Variants in FBXL7 observed in about 807,000 individuals in gnomAD.
FBXL7 encodes F-box and leucine rich repeat protein 7.
A neutral mutation model predicts 38.3 loss-of-function variants in FBXL7; 12 were observed. The observed-to-expected ratio is 0.31, with a 90% CI of 0.20 to 0.51. FBXL7 has a LOEUF of 0.51. FBXL7 is among the 20% of genes least tolerant of loss of function. The pLI is 0.98. For missense variants in FBXL7, 567 were observed against 676.4 expected, an observed-to-expected ratio of 0.84 and a Z score of 1.79; for synonymous variants, 297 against 300.9, an observed-to-expected ratio of 0.99 and a Z score of 0.13.
intron 2 of FBXL7, among the ~76,000 whole-genome samples, chr5:15,734,259 C>G (rs1169203418): frequency 2.0e-5 from 3 of 152,256 alleles, no homozygotes; most frequent in Non-Finnish European, 4.4e-5. Flanking sequence ...GCCATGCTGC[C>G]TCACCGTGGC....
At chr5:15,863,458 G>C (rs766285266) in intron 2 of FBXL7, among the ~76,000 whole-genome samples, 3 of 152,144 alleles carry the variant, frequency 2.0e-5, no homozygotes, top group Non-Finnish European at 4.4e-5. Context: ...TGTGATCCAC[G>C]TGGGCTAGGG....
intron 2 of FBXL7, among the ~76,000 whole-genome samples, chr5:15,647,877 T>A (rs913370438): frequency 1.3e-5 from 2 of 152,180 alleles, no homozygotes; most frequent in Admixed American, 6.5e-5. Context: ...CCCATGCAGC[T>A]GACAGTGTCT....
At chr5:15,606,255 C>T (rs528838775) in intron 1 of FBXL7, among the ~76,000 whole-genome samples, 12 of 152,242 alleles carry the variant, frequency 7.9e-5, no homozygotes, top group African/African-American at 2.9e-4. Flanking sequence ...TGTCTTCATG[C>T]TGTGACTCTA....
At position 15,512,253 on chromosome 5, in the gene FBXL7, GA is replaced by G. The variant is rs1199608410; in HGVS notation, c.37+11543del. Among the ~76,000 whole-genome samples, 10 of 152,296 alleles carry G rather than the reference GA, an allele frequency of 6.6e-5. No homozygotes were observed. In the East Asian group the frequency reaches 1.9e-3, roughly 29 times the overall value. On this transcript the variant is annotated intron_variant, in intron 1 of 3. Transcript: ENST00000504595. ...ATTGCTTTTCTATCATTGTTGAATA[GA>G]AATCCATCTTATTCATTTGGTCTTT...
rs80083668 is a variant in FBXL7, at chr5:15,549,929, G to A, written c.37+49216G>A. The stretch of plus-strand genomic sequence containing the variant: ...TGGATAGCCAAGGTGGGTGGAAGGG[G>A]ATGCTTAGAAACGTAGGCCTGCAGG... On this transcript the variant is annotated intron_variant, in intron 1 of 3. Transcript: ENST00000504595. Among the ~76,000 whole-genome samples the A allele has an allele frequency of 9.3e-3, 1,424 of 152,318 alleles. 19 individuals carry two copies. Among genetic ancestry groups the A allele is most frequent in the African/African-American group, 0.031 (1,295 of 41,566 alleles).
At position 15,623,180 on chromosome 5, in the gene FBXL7, T is replaced by C. The variant is rs558018965; in HGVS notation, c.127+7108T>C. Among the ~76,000 whole-genome samples the C allele has an allele frequency of 3.6e-3, 548 of 152,342 alleles. 7 individuals carry two copies. The highest frequency in any genetic ancestry group is 0.013 in the African/African-American group (522 of 41,576). On this transcript the variant is annotated intron_variant, in intron 2 of 3. Coordinates refer to ENST00000504595, the MANE Select transcript of FBXL7 (RefSeq NM_012304.5). ...GCTGAAGCAGCCTGTTCAGAATAGT[T>C]TGGGAGAGGTTGTTAAGCCCAAATC...
chr5:15,883,047 A>C (rs1186420036), intron 2 of FBXL7, among the ~76,000 whole-genome samples: 2 of 152,186 alleles, frequency 1.3e-5, no homozygotes. Context: ...CTCATCTTTC[A>C]AAATGGCAGC....
At chr5:15,551,800 C>G (rs1024054207) in intron 1 of FBXL7, among the ~76,000 whole-genome samples, 1 of 152,104 alleles carries the variant, frequency 6.6e-6, no homozygotes, top group Non-Finnish European at 1.5e-5. Flanking sequence ...TTTGATCTAT[C>G]TCTGCTTCTG....
At chr5:15,673,210 C>T (rs1487023502) in intron 2 of FBXL7, among the ~76,000 whole-genome samples, 1 of 151,658 alleles carries the variant, frequency 6.6e-6, no homozygotes, top group Non-Finnish European at 1.5e-5. Flanking sequence ...CAGCTACTCG[C>T]GAGGCTGAGG....
intron 2 of FBXL7, among the ~76,000 whole-genome samples, chr5:15,751,501 GT>G (rs1736153795): frequency 6.6e-6 from 1 of 152,144 alleles, no homozygotes; most frequent in South Asian, 2.1e-4. Context: ...CCTTGGCTAT[GT>G]TTGTTTGAAA....
chr5:15,647,100 G>C (rs1741556002), intron 2 of FBXL7, among the ~76,000 whole-genome samples: 2 of 152,188 alleles, frequency 1.3e-5, no homozygotes, highest in African/African-American at 2.4e-5. Flanking sequence ...AAGAAAGCAA[G>C]ACTGCAATAT....
intron 2 of FBXL7, among the ~76,000 whole-genome samples, chr5:15,649,682 T>G (rs1037202540): frequency 3.3e-5 from 5 of 150,432 alleles, no homozygotes; most frequent in Non-Finnish European, 7.4e-5. Context: ...CTGCAAATCT[T>G]TAAATCTTTC....
At chr5:15,556,984 C>T (rs1738256542) in intron 1 of FBXL7, among the ~76,000 whole-genome samples, 1 of 152,188 alleles carries the variant, frequency 6.6e-6, no homozygotes, top group Non-Finnish European at 1.5e-5. Context: ...GTCTCCCAGG[C>T]TGGAGTGCGG....
intron 2 of FBXL7, among the ~76,000 whole-genome samples, chr5:15,767,204 C>G (rs1039430841): frequency 3.3e-5 from 5 of 152,054 alleles, no homozygotes; most frequent in African/African-American, 9.7e-5. Flanking sequence ...GTCACGCCCC[C>G]ATGTGTCCAT....
At chr5:15,898,388 G>C (rs78501139) in intron 2 of FBXL7, among the ~76,000 whole-genome samples, 2,133 of 152,258 alleles carry the variant, frequency 0.014, 31 homozygotes, top group East Asian at 0.075. Flanking sequence ...TGATATATAG[G>C]GGTAGTGCAA....
At chr5:15,721,513 A>G (rs1400208107) in intron 2 of FBXL7, among the ~76,000 whole-genome samples, 2 of 151,982 alleles carry the variant, frequency 1.3e-5, no homozygotes, top group African/African-American at 4.8e-5. Context: ...AGTTATTCAT[A>G]TTCTTTCTTT....
chr5:15,928,042 A>ACCCCCCCCCCCCCCCCCC lies in FBXL7; in HGVS notation c.283_284insCCCCCCCCCCCCCCCCCC (p.Thr94_Arg95insProProProProProPro). The ACCCCCCCCCCCCCCCCCC allele has an allele frequency of 2.6e-6, 1 of 386,342 alleles. No homozygotes were observed. Among genetic ancestry groups the ACCCCCCCCCCCCCCCCCC allele is most frequent in the South Asian group, 2.2e-5 (1 of 45,924 alleles). 23.9% of individuals were successfully genotyped at this position (386,342 alleles called of 1,614,324 possible). ...GGCCATGGTGCACTCCCCGCCCCCG[A>ACCCCCCCCCCCCCCCCCC]CCCGCCTCACACACCCGCTCATCCG... On this transcript the variant is annotated inframe_insertion, in exon 3 of 4. Coordinates refer to ENST00000504595, the MANE Select transcript of FBXL7 (RefSeq NM_012304.5). This position sits in a 1 kb window ranked among gnomAD's most constrained non-coding sequence, Gnocchi z 4.0.
intron 2 of FBXL7, among the ~76,000 whole-genome samples, chr5:15,715,806 C>T (rs1282254337): frequency 1.3e-5 from 2 of 152,146 alleles, no homozygotes; most frequent in Non-Finnish European, 2.9e-5. Context: ...TCTAAGCATG[C>T]TACTTGCCCA....
intron 2 of FBXL7, among the ~76,000 whole-genome samples, chr5:15,699,928 A>G (rs1375950451): frequency 6.6e-6 from 1 of 152,234 alleles, no homozygotes; most frequent in Non-Finnish European, 1.5e-5. Context: ...TACATATATT[A>G]TACTGTCTTC....
Sources: gnomAD v4.1 joint callset for allele counts (sites outside exome capture counted in the v4.1 genomes callset) on GRCh38, gnomAD v4.1.1 for gene constraint, Gnocchi (gnomAD v3.1) non-coding constraint, MANE v1.5 for transcripts, NCBI Gene and HGNC (gene_info 2026-07-23, HGNC 2026-07-21) for gene names.